Variants in COL9A1 observed in about 807,000 individuals in gnomAD.
COL9A1 encodes the protein collagen alpha-1(IX) chain.
Under a neutral mutation model 142.6 loss-of-function variants are expected in COL9A1, and 104 were observed. The observed-to-expected ratio is 0.73, with a 90% CI of 0.62 to 0.86. COL9A1 has a LOEUF of 0.86. Ranked by LOEUF, COL9A1 falls within the 40% of genes least tolerant of loss-of-function variation. COL9A1 has a pLI of 0.00. For synonymous variants in COL9A1, 466 were observed against 396.0 expected (o/e 1.18, Z -2.10); for missense variants, 1,210 against 1,176.6 (o/e 1.03, Z -0.42).
At chr6:70,272,861 A>G (rs1261326744) in intron 12 of COL9A1, among the ~76,000 whole-genome samples, 2 of 152,128 alleles carry the variant, frequency 1.3e-5, no homozygotes, top group East Asian at 1.9e-4. Flanking sequence ...TTAAAACTGA[A>G]TATCAGCTGC....
intron 1 of COL9A1, among the ~76,000 whole-genome samples, chr6:70,302,533 G>A (rs1774112657): frequency 6.6e-6 from 1 of 151,968 alleles, no homozygotes; most frequent in Admixed American, 6.6e-5. Context: ...AAACCCTACT[G>A]AGAGATGTAA....
At chr6:70,236,395 A>G (rs1011025178) in intron 33 of COL9A1, among the ~76,000 whole-genome samples, 1 of 152,214 alleles carries the variant, frequency 6.6e-6, no homozygotes, top group African/African-American at 2.4e-5. Context: ...AATTTGTGGC[A>G]GAATAGCTCC....
At chr6:70,295,407 C>T (rs1773816156) in intron 4 of COL9A1, among the ~76,000 whole-genome samples, 1 of 150,942 alleles carries the variant, frequency 6.6e-6, no homozygotes, top group Non-Finnish European at 1.5e-5. Context: ...CTGCCTCAGC[C>T]TTCCAAGTAG....
At chr6:70,270,230 T>C (rs747459011) in intron 15 of COL9A1, 84 bp downstream of exon 15, 10 of 1,369,302 alleles carry the variant, frequency 7.3e-6, no homozygotes, top group Non-Finnish European at 1.0e-5. Context: ...ACTCAATTAA[T>C]AGGAACTTCC....
chr6:70,267,935 CAGCAG>C (rs1772134378), intron 17 of COL9A1, among the ~76,000 whole-genome samples: 1 of 152,206 alleles, frequency 6.6e-6, no homozygotes, highest in Non-Finnish European at 1.5e-5. Context: ...TTTCAGATCA[CAGCAG>C]AGCTCCATTG....
In COL9A1 at chr6:70,274,730, T is replaced by G; in HGVS notation, c.1018A>C (p.Lys340Gln). The part of the protein sequence containing the change: ...PDGSPGSIGS[K>Q]GQKGEPGVPG... ...GATGGCTAACTTACTTTTTGTCCCT[T>G]TGACCCAATGGAGCCAGGGGATCCA... The change falls in exon 11 of 38, where the codon AAG becomes CAG. Residue 340 changes from lysine to glutamine, a missense_variant. By Grantham distance (53) the Lys-to-Gln change is moderately conservative. Coordinates refer to ENST00000357250, the MANE Select transcript of COL9A1 (RefSeq NM_001851.6). 1 of 1,612,424 alleles carries G rather than the reference T, an allele frequency of 6.2e-7. No individual in the cohort carries two copies. The highest frequency in any genetic ancestry group is 8.5e-7 in the Non-Finnish European group (1 of 1,178,604).
Position 70,294,481 on chromosome 6 carries a change from A to C in COL9A1, c.382T>G (p.Trp128Gly). The C allele has an allele frequency of 6.2e-7, 1 of 1,614,128 alleles. No individual in the cohort carries two copies. Among genetic ancestry groups the C allele is most frequent in the Non-Finnish European group, 8.5e-7 (1 of 1,179,978 alleles). The change falls in exon 5 of 38, where the codon TGG becomes GGG. Residue 128 changes from tryptophan to glycine, a missense_variant. Physicochemically the swap from Trp to Gly is radical, Grantham distance 184. Transcript: ENST00000357250. The part of the protein sequence containing the change: ...RMTGSTLKKN[W>G]NIWQIQDSSG... ...GAATCCTGAATCTGCCAAATGTTCCAGTTCTTTTTGAGAGTGCTTCCAGTC... is the reference window on the plus strand; with the variant it reads ...GAATCCTGAATCTGCCAAATGTTCCCGTTCTTTTTGAGAGTGCTTCCAGTC...
rs550143120 is a variant in COL9A1 at position 70,225,632 on chromosome 6, G to T, written c.2581+300C>A. On this transcript the variant is annotated intron_variant, in intron 37 of 37. Coordinates refer to ENST00000357250, the MANE Select transcript of COL9A1 (RefSeq NM_001851.6). The stretch of plus-strand genomic sequence containing the variant: ...TATCACCTGCTTTAGAAATAGATAG[G>T]ATCCAATTTATTCAGAATTTTATAA... Among the ~76,000 whole-genome samples, 6 of 151,428 alleles carry T rather than the reference G, an allele frequency of 4.0e-5. No individual in the cohort carries two copies. In the East Asian group the frequency reaches 9.7e-4, roughly 24 times the overall value.
At chr6:70,247,112 G>T (rs6923695) in intron 28 of COL9A1, among the ~76,000 whole-genome samples, 10,007 of 152,206 alleles carry the variant, frequency 0.066, 362 homozygotes, top group Non-Finnish European at 0.075. Context: ...TTGTTTGCCT[G>T]TCAAATCCCC....
chr6:70,217,117 G>A (rs1329546771), intron 37 of COL9A1, 36 bp from the exon 38 acceptor site: 24 of 1,609,330 alleles, frequency 1.5e-5, no homozygotes, highest in Non-Finnish European at 2.0e-5. Context: ...GTGAACAGGA[G>A]AATCCTCATT....
At chr6:70,237,746 AG>A (rs1770001924) in intron 33 of COL9A1, among the ~76,000 whole-genome samples, 1 of 152,226 alleles carries the variant, frequency 6.6e-6, no homozygotes, top group Non-Finnish European at 1.5e-5. Flanking sequence ...AAAAATTCTT[AG>A]GCATAAAAAT....
chr6:70,302,440 C>T (rs1483553724), intron 1 of COL9A1, among the ~76,000 whole-genome samples: 2 of 152,004 alleles, frequency 1.3e-5, no homozygotes, highest in African/African-American at 2.4e-5. Context: ...GAACTCCTGA[C>T]CTCGTGATTC....
At chr6:70,234,010 C>T (rs1183441089) in intron 35 of COL9A1, among the ~76,000 whole-genome samples, 1 of 152,186 alleles carries the variant, frequency 6.6e-6, no homozygotes, top group Non-Finnish European at 1.5e-5. Flanking sequence ...TAAGGGTTAA[C>T]AAGTATGAAA....
chr6:70,266,081 A>G (rs950736045), intron 18 of COL9A1, among the ~76,000 whole-genome samples: 4 of 152,194 alleles, frequency 2.6e-5, no homozygotes, highest in Non-Finnish European at 5.9e-5. Context: ...ACACTAGTGG[A>G]TGAAAAGAGG....
intron 4 of COL9A1, among the ~76,000 whole-genome samples, chr6:70,299,513 A>G (rs1773975158): frequency 6.6e-6 from 1 of 152,224 alleles, no homozygotes. Flanking sequence ...GTTCCAGAGA[A>G]AGAAATCAGT....
In COL9A1 at chr6:70,254,994, C is replaced by G. The variant is rs145698301; in HGVS notation, c.1634G>C (p.Arg545Pro). 34 of 1,614,052 alleles carry G rather than the reference C, an allele frequency of 2.1e-5. No individual in the cohort carries two copies. The South Asian group carries it at 3.5e-4, about 17-fold the overall frequency. The stretch of plus-strand genomic sequence containing the variant: ...TCCAGGCATTCCAGGGATCCCATCA[C>G]GGCCATCCACACCTGGCAAACCCTA... Reference protein sequence around the residue: ...GDTGLPGVDGRDGIPGMPGTK... With the variant: ...GDTGLPGVDGPDGIPGMPGTK... Residue 545 changes from arginine to proline, a missense_variant, in exon 24 of 38, where the codon CGT (arginine) becomes CCT (proline). Coordinates refer to ENST00000357250, the MANE Select transcript of COL9A1 (RefSeq NM_001851.6).
In COL9A1 at chr6:70,255,390, C is replaced by G. The variant is rs774226488; in HGVS notation, c.1504G>C (p.Gly502Arg). Residue 502 changes from glycine to arginine, a missense_variant and splice_region_variant, in exon 22 of 38, where the codon GGT becomes CGT. Transcript: ENST00000357250. ...GGAGGTCCTCGCTGTCCTTGATCAC[C>G]CTGTATGAAAATAAAATTTTGTTAA... The part of the protein sequence containing the change: ...PGPQGLPGAP[G>R]DQGQRGPPGE... The G allele has an allele frequency of 4.3e-6, 7 of 1,613,914 alleles. No homozygotes were observed. The highest frequency in any genetic ancestry group is 3.3e-5 in the South Asian group (3 of 91,076).
chr6:70,270,470 C>A, intron 14 of COL9A1, 103 bp from the exon 15 acceptor site: 1 of 1,062,832 alleles, frequency 9.4e-7, no homozygotes. Flanking sequence ...AAACCCCCAC[C>A]GAGCTCAGCC....
At chr6:70,240,641 T>C in intron 32 of COL9A1, 48 bp downstream of exon 32, 1 of 1,411,628 alleles carries the variant, frequency 7.1e-7, no homozygotes, top group Non-Finnish European at 1.0e-6. Flanking sequence ...CTTCTAACAG[T>C]TCAAAATTGG....
Sources: gnomAD v4.1 joint callset for allele counts (sites outside exome capture counted in the v4.1 genomes callset) on GRCh38, gnomAD v4.1.1 for gene constraint, MANE v1.5 for transcripts, NCBI Gene and HGNC (gene_info 2026-07-23, HGNC 2026-07-21) for gene names.